The following ROR2 variants were observed in gnomAD, a reference collection of about 807,000 sequenced individuals.
The protein encoded by ROR2 is ROR family WNT receptor 2, also known as tyrosine-protein kinase transmembrane receptor ROR2.
In ROR2, 33 loss-of-function variants were observed where a neutral mutation model predicts 74.9. The observed-to-expected ratio is 0.44, with a 90% CI of 0.33 to 0.59. The LOEUF (loss-of-function observed/expected upper bound fraction) is 0.59, where lower values mean the gene tolerates loss of function less well. Among genes scored for constraint, ROR2 ranks in the 20% least tolerant of loss-of-function variants. ROR2 has a pLI of 0.02. For missense variants in ROR2, 1,216 were observed against 1,313.8 expected (o/e 0.93, Z 1.15); for synonymous variants, 586 against 558.7 (o/e 1.05, Z -0.69).
At chr9:91,871,435 T>C (rs1829793050) in intron 1 of ROR2, among the ~76,000 whole-genome samples, 1 of 152,244 alleles carries the variant, frequency 6.6e-6, no homozygotes, top group South Asian at 2.1e-4. Context: ...AATGTGTTCA[T>C]GTCCTATAAT....
At position 91,941,578 on chromosome 9, in the gene ROR2, C is replaced by G. The variant is rs558643800; in HGVS notation, c.97+8289G>C. Among the ~76,000 whole-genome samples the G allele has an allele frequency of 5.9e-5, 9 of 152,270 alleles. No individual in the cohort carries two copies. The East Asian group carries it at 1.2e-3, about 20-fold the overall frequency. On this transcript the variant is annotated intron_variant, in intron 1 of 8. Coordinates refer to ENST00000375708, the MANE Select transcript of ROR2 (RefSeq NM_004560.4). ...TCTGACAACACGTTTAAATAACTTACGCTCACCTTCCAATTTCCTCAGTGG... is the reference window on the plus strand; with the variant it reads ...TCTGACAACACGTTTAAATAACTTAGGCTCACCTTCCAATTTCCTCAGTGG...
At chr9:91,886,062 A>T (rs1255129022) in intron 1 of ROR2, among the ~76,000 whole-genome samples, 1 of 151,848 alleles carries the variant, frequency 6.6e-6, no homozygotes, top group Non-Finnish European at 1.5e-5. Context: ...TTTAGTAGAG[A>T]CGGGATTTCA....
At chr9:91,730,837 C>T in intron 7 of ROR2, 73 bp downstream of exon 7, 1 of 1,598,874 alleles carries the variant, frequency 6.3e-7, no homozygotes, top group South Asian at 1.1e-5. Flanking sequence ...CAACCCAGGT[C>T]AGGACAGAAC....
At chr9:91,851,742 C>T (rs567726487) in intron 1 of ROR2, among the ~76,000 whole-genome samples, 1 of 152,084 alleles carries the variant, frequency 6.6e-6, no homozygotes, top group African/African-American at 2.4e-5. Context: ...TTTGGGAGGC[C>T]GAAGCGGGCA....
chr9:91,796,727 C>A (rs1827187441), intron 1 of ROR2, among the ~76,000 whole-genome samples: 1 of 151,328 alleles, frequency 6.6e-6, no homozygotes, highest in African/African-American at 2.4e-5. Context: ...GGGGCTGACA[C>A]CCTGGGCTCT....
At chr9:91,909,913 A>G (rs1045935311) in intron 1 of ROR2, among the ~76,000 whole-genome samples, 2 of 123,232 alleles carry the variant, frequency 1.6e-5, no homozygotes, top group African/African-American at 6.5e-5. Context: ...CCCAGGCTGA[A>G]GTGCAGTGGC....
chr9:91,846,522 G>T (rs112183196), intron 1 of ROR2, among the ~76,000 whole-genome samples: 2,217 of 152,198 alleles, frequency 0.015, 16 homozygotes, highest in Non-Finnish European at 0.024. Flanking sequence ...TGTTTAAGCC[G>T]CCCAGTCTCG....
chr9:91,879,436 G>A (rs1455572344), intron 1 of ROR2, among the ~76,000 whole-genome samples: 1 of 147,398 alleles, frequency 6.8e-6, no homozygotes, highest in African/African-American at 2.7e-5. Flanking sequence ...GTGTGGGTGT[G>A]GGGGGGTGTG....
At position 91,757,382 on chromosome 9, in the gene ROR2, G is replaced by T; in HGVS notation, c.353C>A (p.Ser118Ter). The change falls in exon 3 of 9, where the codon TCA (serine) becomes TAA (stop). Residue 118 changes from serine (S) to a stop codon, truncating the protein, a stop_gained. Coordinates refer to ENST00000375708, the MANE Select transcript of ROR2 (RefSeq NM_004560.4). LOFTEE classifies it high-confidence loss of function. ...GTCCAGGTCCTGGATTCGCAGTCGT[G>T]AACCATATTCTGTCTTCCGGATGAT... Reference protein sequence around the residue: ...RIIIRKTEYGSRLRIQDLDTT... With the variant: ...RIIIRKTEYG 1 of 1,613,922 alleles carries T rather than the reference G, an allele frequency of 6.2e-7. No individual in the cohort carries two copies. The highest frequency in any genetic ancestry group is 8.5e-7 in the Non-Finnish European group (1 of 1,180,012).
At chr9:91,899,572 C>G (rs1201065708) in intron 1 of ROR2, among the ~76,000 whole-genome samples, 1 of 152,132 alleles carries the variant, frequency 6.6e-6, no homozygotes, top group African/African-American at 2.4e-5. Context: ...AGCAGGAGAG[C>G]TGGGAACTGG....
rs760920317 is a variant in ROR2, at chr9:91,725,468, G to T, written c.1387-361C>A. The stretch of plus-strand genomic sequence containing the variant: ...CCCAGGCACCAGCTGCCCTGGGGCT[G>T]CCCCGGACATACCCTGCCAGGTTCC... On this transcript the variant is annotated intron_variant, in intron 8 of 8. Coordinates refer to ENST00000375708, the MANE Select transcript of ROR2 (RefSeq NM_004560.4). 2.0e-5 allele frequency among the ~76,000 whole-genome samples: 3 copies of T among 152,266 alleles called. No individual in the cohort carries two copies. In the East Asian group the frequency reaches 5.8e-4, roughly 29 times the overall value.
Position 91,733,446 on chromosome 9 carries a change from C to G in ROR2, c.623-10G>C. On this transcript the variant is annotated splice_polypyrimidine_tract_variant and intron_variant, in intron 5 of 8. Coordinates refer to ENST00000375708, the MANE Select transcript of ROR2 (RefSeq NM_004560.4). The surrounding 1 kb of genome is among the most constrained non-coding windows in gnomAD (Gnocchi z 5.7). ...ATCATGGTGAAGGCCGCTGCAGAGC[C>G]CGCGAGACTCGCGTTAGCGGGGGAC... 6.2e-7 allele frequency: 1 copy of G among 1,608,420 alleles called. No homozygotes were observed. Among genetic ancestry groups the G allele is most frequent in the African/African-American group, 1.3e-5 (1 of 75,040 alleles).
At chr9:91,906,625 T>G (rs1830825309) in intron 1 of ROR2, among the ~76,000 whole-genome samples, 1 of 152,212 alleles carries the variant, frequency 6.6e-6, no homozygotes, top group South Asian at 2.1e-4. Context: ...CTTTCGTTGT[T>G]GTTATTTTCT....
At chr9:91,727,230 A>G (rs771404012) in intron 7 of ROR2, among the ~76,000 whole-genome samples, 1 of 152,054 alleles carries the variant, frequency 6.6e-6, no homozygotes, top group Non-Finnish European at 1.5e-5. Flanking sequence ...TTTTCTTCAC[A>G]TTTTTATCTA....
At chr9:91,755,019 G>A (rs1006432460) in intron 4 of ROR2, among the ~76,000 whole-genome samples, 1 of 152,178 alleles carries the variant, frequency 6.6e-6, no homozygotes, top group African/African-American at 2.4e-5. Flanking sequence ...CGGGTGTGTG[G>A]TGGCACGCAC....
chr9:91,741,112 C>T (rs906097104), intron 4 of ROR2, among the ~76,000 whole-genome samples: 11 of 151,928 alleles, frequency 7.2e-5, no homozygotes, highest in South Asian at 2.1e-4. Context: ...CCATCCTGGC[C>T]AACATGATGA....
intron 1 of ROR2, among the ~76,000 whole-genome samples, chr9:91,933,313 CA>C (rs1322888944): frequency 2.0e-5 from 3 of 151,732 alleles, no homozygotes; most frequent in East Asian, 3.9e-4. Flanking sequence ...CAGACTGTCT[CA>C]AAAAATATAA....
At chr9:91,773,475 G>A (rs1188205780) in intron 2 of ROR2, among the ~76,000 whole-genome samples, 1 of 152,216 alleles carries the variant, frequency 6.6e-6, no homozygotes, top group African/African-American at 2.4e-5. Flanking sequence ...GTGCTGTGCA[G>A]GGCGTAGCCC....
intron 4 of ROR2, 31 bp from the exon 5 acceptor site, chr9:91,737,549 C>T (rs1425633593): frequency 1.6e-5 from 26 of 1,613,924 alleles, no homozygotes; most frequent in Non-Finnish European, 2.2e-5. Context: ...TCTGTTAGAG[C>T]TCTGGGAGGT....
Sources: allele counts gnomAD v4.1 joint callset (sites outside exome capture counted in the v4.1 genomes callset), GRCh38; gene constraint gnomAD v4.1.1; non-coding constraint Gnocchi (gnomAD v3.1); transcripts MANE v1.5; gene names NCBI Gene and HGNC (gene_info 2026-07-23, HGNC 2026-07-21).